The following PPP2R5E variants were observed in gnomAD, a reference collection of about 807,000 sequenced individuals.
PPP2R5E encodes the protein protein phosphatase 2 regulatory subunit B'epsilon.
In PPP2R5E, 4 loss-of-function variants were observed where a neutral mutation model predicts 65.3. The ratio of observed to expected loss-of-function variants is 0.06; its 90% CI spans 0.03 to 0.14. The LOEUF (loss-of-function observed/expected upper bound fraction) is 0.14, where lower values mean the gene tolerates loss of function less well. Among genes scored for constraint, PPP2R5E ranks in the 10% least tolerant of loss-of-function variants. PPP2R5E has a pLI of 1.00. For synonymous variants in PPP2R5E, 183 were observed against 187.4 expected (o/e 0.98, Z 0.19); for missense variants, 274 against 556.1 (o/e 0.49, Z 5.10).
At chr14:63,453,610 C>G (rs747054517) in intron 3 of PPP2R5E, 79 bp downstream of exon 3, 9 of 1,413,564 alleles carry the variant, frequency 6.4e-6, no homozygotes, top group Non-Finnish European at 7.7e-6. Flanking sequence ...CTCCAATGAC[C>G]TCACTCTTGC....
intron 2 of PPP2R5E, among the ~76,000 whole-genome samples, chr14:63,507,932 A>T (rs1271562): frequency 0.25 from 37,966 of 152,128 alleles, 6,978 homozygotes; most frequent in African/African-American, 0.53. Flanking sequence ...AAGTTTGAGA[A>T]GCCTGACCCT....
At chr14:63,450,892 T>C (rs973308115) in intron 3 of PPP2R5E, among the ~76,000 whole-genome samples, 2 of 152,222 alleles carry the variant, frequency 1.3e-5, no homozygotes, top group South Asian at 4.2e-4. Context: ...AGTAGCACTT[T>C]AAGTCAGCCC....
At chr14:63,476,176 TAACTTA>T (rs1349013596) in intron 2 of PPP2R5E, among the ~76,000 whole-genome samples, 37 of 152,320 alleles carry the variant, frequency 2.4e-4, no homozygotes, top group Non-Finnish European at 2.2e-4. Context: ...GGAAGAATGC[TAACTTA>T]AACCTGTATA....
At chr14:63,413,842 ATGTTAAAG>A (rs755100946) in intron 5 of PPP2R5E, among the ~76,000 whole-genome samples, 1 of 152,056 alleles carries the variant, frequency 6.6e-6, no homozygotes, top group Non-Finnish European at 1.5e-5. Flanking sequence ...AAACCCTCTC[ATGTTAAAG>A]TGTGAGCCAG....
chr14:63,475,900 C>T (rs1234244384), intron 2 of PPP2R5E, among the ~76,000 whole-genome samples: 1 of 152,070 alleles, frequency 6.6e-6, no homozygotes, highest in Non-Finnish European at 1.5e-5. Context: ...AATGAAAAAA[C>T]ATTCAAAGGG....
intron 2 of PPP2R5E, among the ~76,000 whole-genome samples, chr14:63,491,855 T>C (rs1891300427): frequency 6.6e-6 from 1 of 152,062 alleles, no homozygotes; most frequent in African/African-American, 2.4e-5. Context: ...CTCAAAAAAA[T>C]TAATTAATTA....
At chr14:63,484,347 T>TCTCTCTCACACA (rs758248092) in intron 2 of PPP2R5E, among the ~76,000 whole-genome samples, 15 of 139,680 alleles carry the variant, frequency 1.1e-4, no homozygotes, top group African/African-American at 4.1e-4. Context: ...TCTCTCTCTC[T>TCTCTCTCACACA]CACACACACA....
chr14:63,413,199 C>A (rs1886499631), intron 5 of PPP2R5E, among the ~76,000 whole-genome samples: 1 of 152,148 alleles, frequency 6.6e-6, no homozygotes, highest in Admixed American at 6.5e-5. Flanking sequence ...TACTGTCTAC[C>A]ATGGACAGCA....
intron 2 of PPP2R5E, among the ~76,000 whole-genome samples, chr14:63,494,320 A>C (rs1489347838): frequency 6.6e-6 from 1 of 151,672 alleles, no homozygotes; most frequent in East Asian, 1.9e-4. Context: ...TACAACCTCT[A>C]CCTCCTGGGT....
intron 2 of PPP2R5E, among the ~76,000 whole-genome samples, chr14:63,519,382 G>T (rs148461782): frequency 0.012 from 1,803 of 151,326 alleles, 30 homozygotes; most frequent in African/African-American, 0.042. Flanking sequence ...ACAGAGTCTT[G>T]TTCTGTCACC....
At chr14:63,518,335 G>T (rs945133774) in intron 2 of PPP2R5E, among the ~76,000 whole-genome samples, 1 of 152,134 alleles carries the variant, frequency 6.6e-6, no homozygotes, top group Non-Finnish European at 1.5e-5. Flanking sequence ...TCAAACTCCT[G>T]GGTTCAAGGG....
At position 63,372,726 on chromosome 14, in the gene PPP2R5E, G is replaced by A. The variant is rs1042493102; in HGVS notation, c.*3283C>T. ...TACTTTTTTTGTTTCTTTCCATAGT[G>A]TGATTGAGCCTAGGGCTATACATTT... On this transcript the variant is annotated 3_prime_UTR_variant, in exon 14 of 14. Transcript: ENST00000337537. The A allele has an allele frequency of 6.6e-6, 1 of 151,988 alleles. No individual in the cohort carries two copies. Among genetic ancestry groups the A allele is most frequent in the African/African-American group, 2.4e-5 (1 of 41,380 alleles). The allele number at this position is 151,988 out of a possible 1,614,324, so 9.4% of individuals were successfully genotyped here.
At chr14:63,426,569 G>A (rs140765152) in intron 3 of PPP2R5E, among the ~76,000 whole-genome samples, 4 of 152,100 alleles carry the variant, frequency 2.6e-5, no homozygotes, top group Non-Finnish European at 4.4e-5. Flanking sequence ...TAAAGCATAC[G>A]TTAAAGATAT....
Position 63,387,644 on chromosome 14 carries a change from A to T in PPP2R5E, c.1074+1968T>A, listed in dbSNP as rs3783748. Among the ~76,000 whole-genome samples the T allele has an allele frequency of 7.9e-5, 12 of 152,116 alleles. No homozygotes were observed. In the East Asian group the frequency reaches 2.3e-3, roughly 29 times the overall value. ...GCCTCTTCCCTTTGTTCTCAATTTT[A>T]CTTCTGCCAAATAATTTAAAATCCT... On this transcript the variant is annotated intron_variant, in intron 11 of 13. Transcript: ENST00000337537.
chr14:63,390,084 T>A (rs1299839738), intron 10 of PPP2R5E, among the ~76,000 whole-genome samples: 2 of 151,890 alleles, frequency 1.3e-5, no homozygotes, highest in African/African-American at 2.4e-5. Flanking sequence ...ACTTTTTTTT[T>A]TAAAAAAAAC....
rs1886925925 is a variant in PPP2R5E, at chr14:63,420,170, G to C, written c.456+1823C>G. 2.0e-5 allele frequency among the ~76,000 whole-genome samples: 3 copies of C among 152,134 alleles called. No individual in the cohort carries two copies. The South Asian group carries it at 6.2e-4, about 32-fold the overall frequency. On this transcript the variant is annotated intron_variant, in intron 4 of 13. Coordinates refer to ENST00000337537, the MANE Select transcript of PPP2R5E (RefSeq NM_006246.5). ...AATGTCTTCTTTCGAATACAGAGAA[G>C]ACAATATGCTGAGGCTTTGAAGACA...
At chr14:63,471,880 A>G (rs1890153223) in intron 2 of PPP2R5E, among the ~76,000 whole-genome samples, 1 of 152,232 alleles carries the variant, frequency 6.6e-6, no homozygotes, top group Non-Finnish European at 1.5e-5. Flanking sequence ...TCTTCCTAAC[A>G]GACTCTTTAA....
At chr14:63,460,629 G>T (rs1333250343) in intron 2 of PPP2R5E, among the ~76,000 whole-genome samples, 1 of 152,138 alleles carries the variant, frequency 6.6e-6, no homozygotes, top group Non-Finnish European at 1.5e-5. Context: ...TTAAGTTTTA[G>T]ATAATAATAA....
chr14:63,429,491 A>T (rs1289925000), intron 3 of PPP2R5E, among the ~76,000 whole-genome samples: 1 of 152,156 alleles, frequency 6.6e-6, no homozygotes, highest in Non-Finnish European at 1.5e-5. Flanking sequence ...TTAAGACCTC[A>T]TCATGCAAGT....
Sources: allele counts gnomAD v4.1 joint callset (sites outside exome capture counted in the v4.1 genomes callset), GRCh38; gene constraint gnomAD v4.1.1; transcripts MANE v1.5; gene names NCBI Gene and HGNC (gene_info 2026-07-23, HGNC 2026-07-21).